The following PTPRD variants were observed in gnomAD, a reference collection of about 807,000 sequenced individuals.
PTPRD encodes protein tyrosine phosphatase receptor type D.
A neutral mutation model predicts 214.5 loss-of-function variants in PTPRD; 34 were observed. The ratio of observed to expected loss-of-function variants is 0.16; its 90% confidence interval spans 0.12 to 0.21. The LOEUF (loss-of-function observed/expected upper bound fraction) is 0.21, where lower values mean the gene tolerates loss of function less well. PTPRD is among the 10% of genes least tolerant of loss of function. The pLI is 1.00. For missense variants in PTPRD, 2,545 were observed against 2,398.7 expected (o/e 1.06, Z -1.27); for synonymous variants, 1,128 against 845.7 (o/e 1.33, Z -5.79).
chr9:10,566,076 T>C (rs2065510440), intron 2 of PTPRD, among the ~76,000 whole-genome samples: 1 of 152,082 alleles, frequency 6.6e-6, no homozygotes, highest in Admixed American at 6.6e-5. Context: ...TTCAATATCA[T>C]GTAGAATTCA....
At chr9:9,580,495 G>A in intron 7 of PTPRD, among the ~76,000 whole-genome samples, 1 of 148,282 alleles carries the variant, frequency 6.7e-6, no homozygotes, top group East Asian at 2.0e-4. Context: ...TTGGCCATTT[G>A]TATGTTTTCT....
At chr9:9,100,172 C>T (rs190974655) in intron 10 of PTPRD, among the ~76,000 whole-genome samples, 7 of 152,092 alleles carry the variant, frequency 4.6e-5, no homozygotes, top group Admixed American at 3.3e-4. Context: ...GCATGTGTTC[C>T]TGGGTAGTGA....
At chr9:10,105,967 C>T (rs931280032) in intron 3 of PTPRD, among the ~76,000 whole-genome samples, 5 of 119,526 alleles carry the variant, frequency 4.2e-5, no homozygotes, top group Non-Finnish European at 6.7e-5. Flanking sequence ...GATGAATGCC[C>T]AGAAAGAGAC....
At chr9:8,350,120 A>C (rs10976977) in intron 39 of PTPRD, among the ~76,000 whole-genome samples, 16,700 of 152,110 alleles carry the variant, frequency 0.11, 1,025 homozygotes, top group Middle Eastern at 0.15. Context: ...CCACGAGTTG[A>C]AACGGGCTTA....
intron 5 of PTPRD, among the ~76,000 whole-genome samples, chr9:9,791,824 C>T (rs921443546): frequency 1.3e-5 from 2 of 152,046 alleles, no homozygotes; most frequent in East Asian, 1.9e-4. Flanking sequence ...ATAAGCTATC[C>T]AATTTCTAAA....
chr9:8,809,269 T>C (rs751997261), intron 11 of PTPRD, among the ~76,000 whole-genome samples: 2 of 152,200 alleles, frequency 1.3e-5, no homozygotes, highest in South Asian at 4.1e-4. Context: ...TGTATGTTTA[T>C]ACAGTTCTTT....
intron 9 of PTPRD, among the ~76,000 whole-genome samples, chr9:9,332,598 T>C (rs2042749464): frequency 6.7e-6 from 1 of 150,268 alleles, no homozygotes; most frequent in African/African-American, 2.4e-5. Flanking sequence ...AAAACCTCTA[T>C]ACTGAGCTTG....
chr9:8,321,996 T>C (rs1487322414), intron 44 of PTPRD, among the ~76,000 whole-genome samples: 1 of 151,754 alleles, frequency 6.6e-6, no homozygotes, highest in Non-Finnish European at 1.5e-5. Flanking sequence ...TTTTTCATAC[T>C]ATTACATCTG....
chr9:9,689,571 G>A (rs1291211870), intron 7 of PTPRD, among the ~76,000 whole-genome samples: 3 of 151,542 alleles, frequency 2.0e-5, no homozygotes, highest in South Asian at 4.2e-4. Flanking sequence ...CTGATTTATC[G>A]ATACTAGGAC....
intron 4 of PTPRD, among the ~76,000 whole-genome samples, chr9:10,022,771 G>A (rs1421760521): frequency 6.6e-6 from 1 of 152,098 alleles, no homozygotes; most frequent in East Asian, 1.9e-4. Flanking sequence ...CTATAAAGGG[G>A]AGCCAAAATG....
intron 30 of PTPRD, among the ~76,000 whole-genome samples, chr9:8,482,461 A>T: frequency 6.6e-6 from 1 of 151,972 alleles, no homozygotes; most frequent in East Asian, 2.0e-4. Flanking sequence ...AATTCCAACA[A>T]TGCATGAACT....
At chr9:9,505,557 AC>A (rs2096551472) in intron 8 of PTPRD, among the ~76,000 whole-genome samples, 1 of 151,416 alleles carries the variant, frequency 6.6e-6, no homozygotes, top group African/African-American at 2.4e-5. Context: ...ATTTTAATAA[AC>A]TTCTTTAAAG....
intron 10 of PTPRD, among the ~76,000 whole-genome samples, chr9:9,179,317 A>G (rs1385592529): frequency 6.6e-6 from 1 of 152,158 alleles, no homozygotes; most frequent in African/African-American, 2.4e-5. Flanking sequence ...GCATTTGGCT[A>G]TAGAACCCAC....
chr9:8,908,142 A>T (rs1327129840), intron 11 of PTPRD, among the ~76,000 whole-genome samples: 5 of 152,210 alleles, frequency 3.3e-5, no homozygotes, highest in Non-Finnish European at 5.9e-5. Context: ...AAGACAGCAG[A>T]ATGTTGTAAT....
chr9:8,840,091 G>A (rs1053232734), intron 11 of PTPRD, among the ~76,000 whole-genome samples: 20 of 152,262 alleles, frequency 1.3e-4, no homozygotes, highest in Admixed American at 1.3e-3. Context: ...TGAAATAGAT[G>A]AATAAAAGTT....
At chr9:8,434,926 A>G (rs1032805679) in intron 35 of PTPRD, among the ~76,000 whole-genome samples, 1 of 152,244 alleles carries the variant, frequency 6.6e-6, no homozygotes, top group Non-Finnish European at 1.5e-5. Context: ...GGAAAGAAAT[A>G]AGCTGCGACC....
chr9:8,858,695 T>C (rs2098015263), intron 11 of PTPRD, among the ~76,000 whole-genome samples: 1 of 27,910 alleles, frequency 3.6e-5, no homozygotes, highest in Non-Finnish European at 8.8e-5. Flanking sequence ...CTGGGCCCGC[T>C]GCGCCCGCTG....
intron 9 of PTPRD, among the ~76,000 whole-genome samples, chr9:9,267,566 G>T (rs1298452352): frequency 1.3e-5 from 2 of 151,000 alleles, no homozygotes; most frequent in African/African-American, 4.8e-5. Flanking sequence ...AACCAGAAAA[G>T]GACACTACAA....
intron 7 of PTPRD, among the ~76,000 whole-genome samples, chr9:9,658,054 A>T (rs1221079551): frequency 6.6e-6 from 1 of 152,150 alleles, no homozygotes; most frequent in Non-Finnish European, 1.5e-5. Context: ...TTCCAGCGGT[A>T]TCTTTTGCAA....
Sources: gnomAD v4.1 joint callset for allele counts (sites outside exome capture counted in the v4.1 genomes callset) on GRCh38, gnomAD v4.1.1 for gene constraint, MANE v1.5 for transcripts, NCBI Gene and HGNC (gene_info 2026-07-23, HGNC 2026-07-21) for gene names.